The following PSD3 variants were observed in gnomAD, a reference collection of about 807,000 sequenced individuals.
The protein encoded by PSD3 is pleckstrin and Sec7 domain containing 3.
PSD3 carries 49 observed loss-of-function variants against 105.5 expected under a neutral mutation model. The ratio of observed to expected loss-of-function variants is 0.46; its 90% CI spans 0.37 to 0.59. The LOEUF is 0.59. PSD3 is among the 20% of genes least tolerant of loss of function. PSD3 has a pLI of 0.00. For missense variants in PSD3, 1,561 were observed against 1,263.8 expected (o/e 1.24, Z -3.57); for synonymous variants, 557 against 457.8 (o/e 1.22, Z -2.77).
intron 12 of PSD3, among the ~76,000 whole-genome samples, chr8:18,590,017 T>A (rs10094561): frequency 0.48 from 72,986 of 151,666 alleles, 17,869 homozygotes; most frequent in East Asian, 0.68. Context: ...AAATAAACTT[T>A]TGTAAAAAAA....
intron 8 of PSD3, among the ~76,000 whole-genome samples, chr8:18,772,091 T>C (rs1042462087): frequency 6.6e-6 from 1 of 152,234 alleles, no homozygotes; most frequent in Admixed American, 6.5e-5. Flanking sequence ...CGATTTTCCA[T>C]TTTATGTAGA....
At chr8:18,630,452 G>A (rs1402187188) in intron 11 of PSD3, among the ~76,000 whole-genome samples, 1 of 151,920 alleles carries the variant, frequency 6.6e-6, no homozygotes, top group Non-Finnish European at 1.5e-5. Context: ...CAGGAAAACA[G>A]TGGACAAGGA....
intron 11 of PSD3, among the ~76,000 whole-genome samples, chr8:18,616,912 C>T (rs948632338): frequency 1.4e-4 from 21 of 152,152 alleles, no homozygotes; most frequent in Middle Eastern, 3.4e-3. Flanking sequence ...CGTGAGCCAC[C>T]GCGCCCGGCC....
chr8:18,638,346 T>C (rs1452496081), intron 10 of PSD3, among the ~76,000 whole-genome samples: 1 of 149,184 alleles, frequency 6.7e-6, no homozygotes, highest in Admixed American at 6.7e-5. Context: ...AAAAAGGAAG[T>C]GACTGTCTCT....
intron 9 of PSD3, among the ~76,000 whole-genome samples, chr8:18,657,405 C>A (rs77238571): frequency 3.7e-4 from 56 of 152,274 alleles, no homozygotes; most frequent in African/African-American, 1.3e-3. Flanking sequence ...ATTGTGGCTT[C>A]ATAGTCAATT....
At chr8:19,069,185 T>C (rs1224986279) in intron 1 of PSD3, among the ~76,000 whole-genome samples, 19 of 152,242 alleles carry the variant, frequency 1.2e-4, no homozygotes, top group Admixed American at 1.2e-3. Context: ...ATGGTTCTCA[T>C]AAATGCTATT....
chr8:18,898,440 T>C lies in PSD3; in HGVS notation c.131-25707A>G, dbSNP rs182060354. ...ACTACATTTGCTTGCTTTTGGGTTCTGTTTGCATGGAATGTCTTTTTCCAT... is the reference window on the plus strand; with the variant it reads ...ACTACATTTGCTTGCTTTTGGGTTCCGTTTGCATGGAATGTCTTTTTCCAT... On this transcript the variant is annotated intron_variant, in intron 2 of 15. Coordinates refer to ENST00000327040, the MANE Select transcript of PSD3 (RefSeq NM_015310.4). Among the ~76,000 whole-genome samples, 68 of 152,284 alleles carry C rather than the reference T, an allele frequency of 4.5e-4. No individual in the cohort carries two copies. The Middle Eastern group carries it at 0.01, about 23-fold the overall frequency.
At chr8:18,946,388 CA>C (rs1209342043) in intron 1 of PSD3, among the ~76,000 whole-genome samples, 2 of 151,802 alleles carry the variant, frequency 1.3e-5, no homozygotes, top group Admixed American at 6.6e-5. Flanking sequence ...CTAGCCTGTG[CA>C]ATACAGCCAG....
chr8:18,973,666 A>C (rs966631256), intron 1 of PSD3, among the ~76,000 whole-genome samples: 1 of 152,126 alleles, frequency 6.6e-6, no homozygotes, highest in East Asian at 1.9e-4. Context: ...TCATAACAGG[A>C]CTCAATCCTA....
intron 1 of PSD3, among the ~76,000 whole-genome samples, chr8:19,078,675 C>T (rs1829538726): frequency 6.6e-6 from 1 of 151,916 alleles, no homozygotes; most frequent in Non-Finnish European, 1.5e-5. Context: ...CTGTGCCCAC[C>T]ATAGTAGACT....
At chr8:18,654,943 G>C (rs1014200880) in intron 10 of PSD3, among the ~76,000 whole-genome samples, 2 of 152,146 alleles carry the variant, frequency 1.3e-5, no homozygotes, top group African/African-American at 4.8e-5. Context: ...ATTAAAATAA[G>C]TGGATGATAC....
At chr8:18,907,889 T>C in intron 2 of PSD3, among the ~76,000 whole-genome samples, 1 of 152,230 alleles carries the variant, frequency 6.6e-6, no homozygotes, top group East Asian at 1.9e-4. Context: ...ATTTATTAAA[T>C]GTATTGCTAA....
intron 1 of PSD3, among the ~76,000 whole-genome samples, chr8:18,949,236 AAAAAAAAAATAT>A (rs1313517590): frequency 1.8e-5 from 1 of 54,428 alleles, no homozygotes; most frequent in African/African-American, 6.2e-5. Flanking sequence ...AAAAAAAAAA[AAAAAAAAAATAT>A]ATATATATAT....
intron 9 of PSD3, among the ~76,000 whole-genome samples, chr8:18,732,348 T>C (rs991834414): frequency 6.6e-6 from 1 of 152,228 alleles, no homozygotes; most frequent in African/African-American, 2.4e-5. Context: ...CTACAAATCC[T>C]GTCTCAGTAA....
In PSD3 at chr8:18,619,567, C is replaced by T. The variant is rs554025441; in HGVS notation, c.2410+13046G>A. On this transcript the variant is annotated intron_variant, in intron 11 of 15. Coordinates refer to ENST00000327040, the MANE Select transcript of PSD3 (RefSeq NM_015310.4). ...CTGAGGCAGGAGAACGGTTTGAACC[C>T]GGGAGGCAGAGGTTGTAGTGAGCTG... 2.0e-4 allele frequency among the ~76,000 whole-genome samples: 31 copies of T among 151,370 alleles called. No individual in the cohort carries two copies. The South Asian group carries it at 2.1e-3, about 10-fold the overall frequency.
At chr8:18,705,754 T>C (rs1479616416) in intron 9 of PSD3, among the ~76,000 whole-genome samples, 2 of 152,096 alleles carry the variant, frequency 1.3e-5, no homozygotes, top group Non-Finnish European at 2.9e-5. Flanking sequence ...TCTGGGTAAC[T>C]ATTCTTTGGG....
chr8:18,585,493 T>C (rs1392992384), intron 12 of PSD3, among the ~76,000 whole-genome samples: 2 of 152,034 alleles, frequency 1.3e-5, no homozygotes, highest in African/African-American at 2.4e-5. Context: ...AATTTTTGTA[T>C]TTTTTGTAGA....
At chr8:18,712,463 AAAC>A (rs1802314421) in intron 9 of PSD3, among the ~76,000 whole-genome samples, 2 of 152,336 alleles carry the variant, frequency 1.3e-5, no homozygotes, top group East Asian at 1.9e-4. Context: ...ACAGAAATAT[AAAC>A]AACCATCAGA....
At chr8:18,753,487 C>T (rs1180153647) in intron 9 of PSD3, among the ~76,000 whole-genome samples, 1 of 152,112 alleles carries the variant, frequency 6.6e-6, no homozygotes, top group African/African-American at 2.4e-5. Flanking sequence ...GATAATGTGG[C>T]TTCTGGCGTT....
Sources: gnomAD v4.1 joint callset for allele counts (sites outside exome capture counted in the v4.1 genomes callset) on GRCh38, gnomAD v4.1.1 for gene constraint, MANE v1.5 for transcripts, NCBI Gene and HGNC (gene_info 2026-07-23, HGNC 2026-07-21) for gene names.